ADGRV1: variants seen among roughly 807,000 people sequenced by gnomAD.
ADGRV1 encodes the protein G-protein coupled receptor 98.
ADGRV1 carries 359 observed loss-of-function variants against 596.2 expected under a neutral mutation model. The observed-to-expected ratio is 0.60, with a 90% CI of 0.55 to 0.66. The LOEUF (loss-of-function observed/expected upper bound fraction) is 0.66, where lower values mean the gene tolerates loss of function less well. Among genes scored for constraint, ADGRV1 ranks in the 30% least tolerant of loss-of-function variants. The pLI, the probability that ADGRV1 is intolerant of heterozygous loss-of-function variation, is 0.00. For synonymous variants in ADGRV1, 2,681 were observed against 2,679.2 expected, an observed-to-expected ratio of 1.00 and a Z score of -0.02; for missense variants, 7,274 against 7,575.6, an observed-to-expected ratio of 0.96 and a Z score of 1.48.
At chr5:90,914,912 G>A (rs1473191214) in intron 83 of ADGRV1, among the ~76,000 whole-genome samples, 1 of 152,172 alleles carries the variant, frequency 6.6e-6, no homozygotes, top group Non-Finnish European at 1.5e-5. Context: ...GAGCATTTAT[G>A]AGCAAAGAGA....
At chr5:90,923,610 C>A (rs1774094996) in intron 83 of ADGRV1, among the ~76,000 whole-genome samples, 1 of 152,036 alleles carries the variant, frequency 6.6e-6, no homozygotes, top group African/African-American at 2.4e-5. Context: ...CAGTCCCAAT[C>A]TTGCCTTAGG....
At position 90,674,124 on chromosome 5, in the gene ADGRV1, C is replaced by T. The variant is rs772811429; in HGVS notation, c.5000C>T (p.Ser1667Phe). ...LNEYFRVTLV[S>F]AIPGDGKLGS... ...GAGTATTTCCGTGTGACATTGGTTT[C>T]TGCAATTCCTGGAGATGGGAAGCTA... Residue 1667 changes from serine to phenylalanine, a missense_variant, in exon 23 of 90, where the codon TCT (serine) becomes TTT (phenylalanine). By Grantham distance (155) the Ser-to-Phe change is radical (BLOSUM62 -2). Coordinates refer to ENST00000405460, the MANE Select transcript of ADGRV1 (RefSeq NM_032119.4). 6.2e-7 allele frequency: 1 copy of T among 1,613,402 alleles called. No homozygotes were observed. Among genetic ancestry groups the T allele is most frequent in the Middle Eastern group, 1.6e-4 (1 of 6,062 alleles).
chr5:90,929,441 C>G (rs1774978857), intron 83 of ADGRV1: 1 of 152,850 alleles, frequency 6.5e-6, no homozygotes, highest in Admixed American at 6.5e-5. Context: ...AGGGAACTCC[C>G]TGACCCCTTG....
chr5:90,884,124 G>T (rs1770054951), intron 83 of ADGRV1, among the ~76,000 whole-genome samples: 2 of 152,148 alleles, frequency 1.3e-5, no homozygotes, highest in African/African-American at 4.8e-5. Flanking sequence ...TCTCAACTCA[G>T]ACACTGTTGA....
intron 83 of ADGRV1, among the ~76,000 whole-genome samples, chr5:90,873,655 G>T (rs1373013537): frequency 2.0e-5 from 3 of 152,062 alleles, no homozygotes; most frequent in Non-Finnish European, 4.4e-5. Flanking sequence ...AAAAAGCCAG[G>T]CATGGTGGTG....
intron 25 of ADGRV1, among the ~76,000 whole-genome samples, chr5:90,679,000 G>C (rs1329780483): frequency 6.6e-6 from 1 of 152,142 alleles, no homozygotes; most frequent in Non-Finnish European, 1.5e-5. Flanking sequence ...CAGGAAAGCA[G>C]AATTGTTAGG....
intron 85 of ADGRV1, among the ~76,000 whole-genome samples, chr5:91,043,155 T>A (rs1053820154): frequency 1.3e-5 from 2 of 152,136 alleles, no homozygotes; most frequent in African/African-American, 2.4e-5. Context: ...TTATTTCAGA[T>A]GTAATCAAAG....
chr5:90,576,532 G>C (rs2151965641), intron 1 of ADGRV1, among the ~76,000 whole-genome samples: 1 of 152,262 alleles, frequency 6.6e-6, no homozygotes. Flanking sequence ...ATTTGGGTTG[G>C]TTCCAAGTTT....
At chr5:90,872,596 G>T (rs1415148448) in intron 83 of ADGRV1, among the ~76,000 whole-genome samples, 1 of 152,128 alleles carries the variant, frequency 6.6e-6, no homozygotes, top group African/African-American at 2.4e-5. Context: ...TGCTAAGGAC[G>T]ATGATAAACA....
At chr5:90,739,477 G>T (rs1214586315) in intron 50 of ADGRV1, among the ~76,000 whole-genome samples, 1 of 152,164 alleles carries the variant, frequency 6.6e-6, no homozygotes. Context: ...TGGGATTCTG[G>T]TTGGGTTAGT....
chr5:90,690,065 A>G lies in ADGRV1; in HGVS notation c.6695A>G (p.Tyr2232Cys), dbSNP rs10037067. The change falls in exon 30 of 90, where the codon TAT becomes TGT. Residue 2232 changes from tyrosine to cysteine, a missense_variant. Tyr to Cys is a radical substitution (Grantham distance 194, BLOSUM62 -2). Transcript: ENST00000405460. ...ATTATTGAGGCCTCTGATGACCCCTATGGATTATTTGGTATGAAGACTAAT... is the reference window on the plus strand; with the variant it reads ...ATTATTGAGGCCTCTGATGACCCCTGTGGATTATTTGGTATGAAGACTAAT... ...VIIIEASDDP[Y>C]GLFGFQITKL... 0.34 allele frequency: 531,771 copies of G among 1,545,226 alleles called. 94,105 individuals carry two copies. Among genetic ancestry groups the G allele is most frequent in the Admixed American group, 0.54 (28,270 of 52,582 alleles).
intron 83 of ADGRV1, among the ~76,000 whole-genome samples, chr5:90,958,541 C>G (rs981103854): frequency 1.4e-5 from 1 of 73,588 alleles, no homozygotes; most frequent in African/African-American, 7.7e-5. Flanking sequence ...ATGGCTTTAA[C>G]AACACTAATT....
In ADGRV1 at chr5:90,685,938, G is replaced by A; in HGVS notation, c.6433G>A (p.Gly2145Arg). 1 of 1,608,030 alleles carries A rather than the reference G, an allele frequency of 6.2e-7. No homozygotes were observed. The highest frequency in any genetic ancestry group is 8.5e-7 in the Non-Finnish European group (1 of 1,176,238). ...CATTATCAATGTGACTAGAACAGGA[G>A]GAGCATTTGCAGATGTCTCTGTGAA... is the stretch of plus-strand genomic sequence containing the variant. ...GPIINVTRTG[G>R]AFADVSVKFK... The change falls in exon 29 of 90, where the codon GGA (glycine) becomes AGA (arginine). Residue 2145 changes from glycine to arginine, a missense_variant. Gly to Arg is a moderately radical substitution (Grantham distance 125). This residue lies in a region of ADGRV1 where 3,643 missense variants were observed against 3,809.2 expected (regional missense o/e 0.96). Coordinates refer to ENST00000405460, the MANE Select transcript of ADGRV1 (RefSeq NM_032119.4).
intron 1 of ADGRV1, among the ~76,000 whole-genome samples, chr5:90,609,347 A>G (rs1762469991): frequency 6.6e-6 from 1 of 152,040 alleles, no homozygotes; most frequent in Non-Finnish European, 1.5e-5. Context: ...TAAATTAAAA[A>G]TAAATAAAAA....
At position 90,658,013 on chromosome 5, in the gene ADGRV1, A is replaced by G. The variant is rs376401006; in HGVS notation, c.4487A>G (p.Tyr1496Cys). 1.0e-4 allele frequency: 162 copies of G among 1,614,000 alleles called. No individual in the cohort carries two copies. In the African/African-American group the frequency reaches 1.9e-3, roughly 18 times the overall value. ...CGGAAACTGACGCTTGAAGAAATTT[A>G]TGAACTTCATGCCATGCCCGCAAAA... Reference protein sequence around the residue: ...YERKLTLEEIYELHAMPAKSD... With the variant: ...YERKLTLEEICELHAMPAKSD... The change falls in exon 21 of 90, where the codon TAT becomes TGT. Residue 1496 changes from tyrosine to cysteine, a missense_variant. By Grantham distance (194) the Tyr-to-Cys change is radical. Transcript: ENST00000405460.
At chr5:90,600,973 A>C (rs915473239) in intron 1 of ADGRV1, among the ~76,000 whole-genome samples, 1 of 152,172 alleles carries the variant, frequency 6.6e-6, no homozygotes, top group Non-Finnish European at 1.5e-5. Flanking sequence ...GCAGTGGCTC[A>C]CGCCTGTAAT....
intron 87 of ADGRV1, among the ~76,000 whole-genome samples, chr5:91,148,942 G>A (rs1795787777): frequency 1.3e-5 from 2 of 152,194 alleles, no homozygotes; most frequent in Non-Finnish European, 2.9e-5. Context: ...TGCCCTATTG[G>A]ATTTTGGACT....
chr5:90,679,810 A>G lies in ADGRV1; in HGVS notation c.5524+181A>G, dbSNP rs78671785. On this transcript the variant is annotated intron_variant, in intron 26 of 89. Coordinates refer to ENST00000405460, the MANE Select transcript of ADGRV1 (RefSeq NM_032119.4). ...TCCTTCATGTTGTAGTCACCCAGCTAGTAAGGGATCAAGTCAGAATCACAT... is the reference window on the plus strand; with the variant it reads ...TCCTTCATGTTGTAGTCACCCAGCTGGTAAGGGATCAAGTCAGAATCACAT... Among the ~76,000 whole-genome samples, 5,217 of 152,248 alleles carry G rather than the reference A, an allele frequency of 0.034. 175 individuals carry two copies. Among genetic ancestry groups the G allele is most frequent in the African/African-American group, 0.09 (3,757 of 41,532 alleles).
intron 83 of ADGRV1, among the ~76,000 whole-genome samples, chr5:90,867,129 C>T (rs1235758501): frequency 1.3e-5 from 2 of 152,060 alleles, no homozygotes; most frequent in African/African-American, 4.8e-5. Flanking sequence ...GTTTGCAGTT[C>T]AGGGTTCTCA....
Sources: gnomAD v4.1 joint callset for allele counts (sites outside exome capture counted in the v4.1 genomes callset) on GRCh38, gnomAD v4.1.1 for gene constraint, gnomAD v4.1.1 regional missense constraint, MANE v1.5 for transcripts, NCBI Gene and HGNC (gene_info 2026-07-23, HGNC 2026-07-21) for gene names.